The following PVT1 variants were observed in gnomAD, a reference collection of about 807,000 sequenced individuals.
PVT1 encodes Pvt1 oncogene.
chr8:127,969,291 G>T (rs1450241173), intron 3 of PVT1, among the ~76,000 whole-genome samples: 1 of 152,118 alleles, frequency 6.6e-6, no homozygotes, highest in Non-Finnish European at 1.5e-5. Flanking sequence ...CCCATAGTTT[G>T]CATCAACCAG....
rs144018583 is a variant in PVT1, at chr8:127,981,893, G to A, written n.783-7269G>A. Among the ~76,000 whole-genome samples, 871 of 152,284 alleles carry A rather than the reference G, an allele frequency of 5.7e-3. 7 individuals carry two copies. The highest frequency in any genetic ancestry group is 0.018 in the African/African-American group (762 of 41,552). ...CCAAAGGCTGTCTGACCACACCTGC[G>A]GCTTTTGGAGGGAGCTTGGCTTGGA... is the stretch of plus-strand genomic sequence containing the variant. On this transcript the variant is annotated intron_variant and non_coding_transcript_variant, in intron 3 of 10. Coordinates refer to ENST00000651587, the Ensembl canonical transcript of PVT1.
intron 2 of PVT1, among the ~76,000 whole-genome samples, chr8:127,798,775 C>A (rs1814428829): frequency 6.6e-6 from 1 of 150,760 alleles, no homozygotes; most frequent in African/African-American, 2.4e-5. Flanking sequence ...ACTCGGGAGG[C>A]TGAGGTAGGA....
chr8:127,817,338 T>C (rs1036945177), intron 2 of PVT1, among the ~76,000 whole-genome samples: 2 of 147,976 alleles, frequency 1.4e-5, no homozygotes, highest in African/African-American at 5.0e-5. Context: ...TCCCTGTCTG[T>C]GAATTGAGTC....
chr8:127,863,099 T>TTTAC (rs1448874736), intron 2 of PVT1, among the ~76,000 whole-genome samples: 1 of 148,866 alleles, frequency 6.7e-6, no homozygotes, highest in African/African-American at 2.5e-5. Flanking sequence ...TATTTATTTA[T>TTTAC]TTATTTATTT....
At chr8:127,886,539 T>A (rs1815526340) in intron 2 of PVT1, among the ~76,000 whole-genome samples, 1 of 152,194 alleles carries the variant, frequency 6.6e-6, no homozygotes, top group African/African-American at 2.4e-5. Context: ...ATTAAATAAT[T>A]TCTATTGGCC....
At chr8:127,872,077 AGT>A (rs1815357334) in intron 2 of PVT1, among the ~76,000 whole-genome samples, 1 of 145,054 alleles carries the variant, frequency 6.9e-6, no homozygotes, top group South Asian at 2.2e-4. Context: ...GGGGGACAAG[AGT>A]GAGACTCCGT....
At chr8:128,041,303 G>C (rs1460889918) in intron 4 of PVT1, among the ~76,000 whole-genome samples, 1 of 93,728 alleles carries the variant, frequency 1.1e-5, no homozygotes, top group Non-Finnish European at 2.4e-5. Flanking sequence ...TTTGTGTTGT[G>C]CTCATGTTTG....
At position 128,007,820 on chromosome 8, in the gene PVT1, G is replaced by A. The variant is rs1817264995; in HGVS notation, n.912+18529G>A. Among the ~76,000 whole-genome samples the A allele has an allele frequency of 2.0e-5, 3 of 152,244 alleles. No homozygotes were observed. The South Asian group carries it at 6.2e-4, about 31-fold the overall frequency. On this transcript the variant is annotated intron_variant and non_coding_transcript_variant, in intron 4 of 10. Coordinates refer to ENST00000651587, the Ensembl canonical transcript of PVT1. ...TTTTGCATTTTCCAGCACAGGCAGTGCTGTGCAATGTCTTGCCCAGTGGAC... is the reference window on the plus strand; with the variant it reads ...TTTTGCATTTTCCAGCACAGGCAGTACTGTGCAATGTCTTGCCCAGTGGAC...
chr8:127,974,890 G>A (rs936429198), intron 3 of PVT1, among the ~76,000 whole-genome samples: 16 of 152,050 alleles, frequency 1.1e-4, no homozygotes, highest in African/African-American at 3.9e-4. Flanking sequence ...GTAGGGAATA[G>A]TTTGTAGTCA....
At chr8:128,098,019 G>A (rs770411013) in intron 6 of PVT1, among the ~76,000 whole-genome samples, 1 of 152,114 alleles carries the variant, frequency 6.6e-6, no homozygotes, top group Non-Finnish European at 1.5e-5. Flanking sequence ...TCCCTCTGAG[G>A]CTGGACACAT....
intron 3 of PVT1, among the ~76,000 whole-genome samples, chr8:127,957,439 A>G (rs1001934409): frequency 2.6e-5 from 4 of 152,020 alleles, no homozygotes; most frequent in African/African-American, 9.7e-5. Context: ...TGGTGGTGCA[A>G]GCCTGTACCG....
intron 4 of PVT1, among the ~76,000 whole-genome samples, chr8:128,065,145 G>A (rs1402228981): frequency 6.6e-6 from 1 of 152,186 alleles, no homozygotes; most frequent in Non-Finnish European, 1.5e-5. Context: ...GCATGTGCAT[G>A]CGTGTGCAAG....
At chr8:127,834,666 A>G (rs770352275) in intron 2 of PVT1, among the ~76,000 whole-genome samples, 15 of 152,180 alleles carry the variant, frequency 9.9e-5, no homozygotes, top group African/African-American at 3.6e-4. Context: ...TTTGCAATCT[A>G]TCCATCTGAC....
chr8:127,966,976 T>C (rs1816709696), intron 3 of PVT1, among the ~76,000 whole-genome samples: 1 of 152,174 alleles, frequency 6.6e-6, no homozygotes, highest in Admixed American at 6.5e-5. Context: ...CTGGCTGAGA[T>C]GGGTCCTGAG....
chr8:127,953,158 T>C (rs1816528017), intron 3 of PVT1, among the ~76,000 whole-genome samples: 1 of 152,238 alleles, frequency 6.6e-6, no homozygotes, highest in African/African-American at 2.4e-5. Flanking sequence ...AATTTGGCTC[T>C]GAACTGATGG....
chr8:127,956,588 G>A (rs747857877), intron 3 of PVT1, among the ~76,000 whole-genome samples: 3 of 152,214 alleles, frequency 2.0e-5, no homozygotes, highest in East Asian at 1.9e-4. Flanking sequence ...GAGTTCAAGC[G>A]ATTCTCCTGC....
At chr8:127,978,010 G>T (rs545782940) in intron 3 of PVT1, among the ~76,000 whole-genome samples, 5 of 152,304 alleles carry the variant, frequency 3.3e-5, no homozygotes, top group African/African-American at 1.2e-4. Flanking sequence ...CATCTGATGA[G>T]CAGAGCAGAG....
chr8:127,976,441 C>T (rs1816823403), intron 3 of PVT1, among the ~76,000 whole-genome samples: 1 of 152,138 alleles, frequency 6.6e-6, no homozygotes, highest in Admixed American at 6.6e-5. Context: ...AGCTTTATAC[C>T]TGTAACTTGT....
intron 2 of PVT1, among the ~76,000 whole-genome samples, chr8:127,883,505 A>G (rs1815492327): frequency 1.3e-5 from 2 of 152,174 alleles, no homozygotes; most frequent in Admixed American, 1.3e-4. Context: ...TAGCATTAGG[A>G]GATATACCTA....
Sources: allele counts gnomAD v4.1 joint callset (sites outside exome capture counted in the v4.1 genomes callset), GRCh38; gene constraint gnomAD v4.1.1; transcripts MANE v1.5; gene names NCBI Gene and HGNC (gene_info 2026-07-23, HGNC 2026-07-21).